Variants in EMC4 observed in about 807,000 individuals in gnomAD.
EMC4 encodes cell proliferation-inducing gene 17 protein.
Under a neutral mutation model 24.2 loss-of-function variants are expected in EMC4, and 9 were observed. The ratio of observed to expected loss-of-function variants is 0.37; its 90% CI spans 0.22 to 0.65. EMC4 has a LOEUF of 0.65. Among genes scored for constraint, EMC4 ranks in the 30% least tolerant of loss-of-function variants. The pLI is 0.59. For missense variants in EMC4, 169 were observed against 234.6 expected (o/e 0.72, Z 1.83); for synonymous variants, 86 against 81.1 (o/e 1.06, Z -0.32).
At chr15:34,225,506 C>T in intron 1 of EMC4, 30 bp from the exon 2 acceptor site, 1 of 1,515,616 alleles carries the variant, frequency 6.6e-7, no homozygotes, top group Non-Finnish European at 9.2e-7. Flanking sequence ...TCGGAGGTTG[C>T]AGCTTTAGTT....
chr15:34,225,271 C>T, intron 1 of EMC4, 71 bp downstream of exon 1: 1 of 1,303,724 alleles, frequency 7.7e-7, no homozygotes, highest in Non-Finnish European at 1.0e-6. Flanking sequence ...GACCTGAGCC[C>T]TCAGGCATAA....
Position 34,229,554 on chromosome 15 carries a change from A to G in EMC4, c.517-199A>G, listed in dbSNP as rs531736350. ...TGCCATGTTGCCCAGGCTGGTCTTG[A>G]ACTCCTGGGCTCAAGCGATCTGCCT... On this transcript the variant is annotated intron_variant, in intron 4 of 4. Transcript: ENST00000267750. 4.3e-5 allele frequency: 23 copies of G among 531,182 alleles called. 1 individual carries two copies. In the South Asian group the frequency reaches 5.2e-4, roughly 12 times the overall value. The allele number at this position is 531,182 out of a possible 1,614,324, so 32.9% of individuals were successfully genotyped here.
intron 1 of EMC4, 88 bp from the exon 2 acceptor site, chr15:34,225,448 A>T: frequency 9.5e-7 from 1 of 1,055,942 alleles, no homozygotes; most frequent in Non-Finnish European, 1.5e-6. Context: ...GCATCTGAAG[A>T]TCTTTATTCC....
intron 3 of EMC4, chr15:34,228,057 C>CCT: frequency 2.0e-6 from 1 of 490,170 alleles, no homozygotes; most frequent in South Asian, 2.4e-5. Flanking sequence ...GTGGCACACG[C>CCT]CTGTAATCCC....
At chr15:34,229,436 G>A (rs1017666966) in intron 4 of EMC4, 11 of 232,710 alleles carry the variant, frequency 4.7e-5, no homozygotes, top group African/African-American at 1.6e-4. Context: ...CTCAACCTCC[G>A]GGCTCAGGCA....
intron 2 of EMC4, 68 bp from the exon 3 acceptor site, chr15:34,227,625 T>G: frequency 6.6e-7 from 1 of 1,520,974 alleles, no homozygotes; most frequent in Non-Finnish European, 9.1e-7. Flanking sequence ...TGATTTAGCA[T>G]CAGTGATATG....
rs1555375451 is a variant in EMC4, at chr15:34,227,679, G to C, written c.202-14G>C. The C allele has an allele frequency of 3.1e-6, 5 of 1,611,174 alleles. No homozygotes were observed. In the Admixed American group the frequency reaches 8.3e-5, roughly 27 times the overall value. Reference sequence around the variant, plus strand: ...GTAGTGATCAGAGGGTTAAAATTGTGTGTTTTGTTTTAGCGCTGCTGGGAC... The same window carrying C: ...GTAGTGATCAGAGGGTTAAAATTGTCTGTTTTGTTTTAGCGCTGCTGGGAC... On this transcript the variant is annotated splice_polypyrimidine_tract_variant and intron_variant, in intron 2 of 4. Coordinates refer to ENST00000267750, the MANE Select transcript of EMC4 (RefSeq NM_016454.4).
chr15:34,225,357 C>A (rs1890621495), intron 1 of EMC4, among the ~76,000 whole-genome samples, 157 bp downstream of exon 1: 2 of 152,246 alleles, frequency 1.3e-5, no homozygotes, highest in African/African-American at 4.8e-5. Context: ...TTTCTCTGCT[C>A]AAACAATGCT....
At chr15:34,228,219 C>T (rs1890701128) in intron 3 of EMC4, 1 of 559,200 alleles carries the variant, frequency 1.8e-6, no homozygotes, top group South Asian at 2.4e-5. Context: ...TTCTTAGGGA[C>T]AGTTTTTGGC....
At position 34,228,582 on chromosome 15, in the gene EMC4, C is replaced by T. The variant is rs776958807; in HGVS notation, c.509C>T (p.Pro170Leu). 6.2e-7 allele frequency: 1 copy of T among 1,611,908 alleles called. No homozygotes were observed. Among genetic ancestry groups the T allele is most frequent in the Non-Finnish European group, 8.5e-7 (1 of 1,179,448 alleles). The change falls in exon 4 of 5, where the codon CCC becomes CTC. Residue 170 changes from proline to leucine, a missense_variant. Transcript: ENST00000267750. ...TCGGATTGGTTAGCCTTCATTGAGC[C>T]CCCTGAGGTAAGGCAAAAGAAAAGC... ...HASDWLAFIE[P>L]PERMEFSGGG...
At chr15:34,227,452 A>G (rs1890674918) in intron 2 of EMC4, 1 of 368,924 alleles carries the variant, frequency 2.7e-6, no homozygotes, top group Admixed American at 3.8e-5. Flanking sequence ...AATCAGGAGA[A>G]AAAAATGACA....
chr15:34,227,694 G>A lies in EMC4; in HGVS notation c.203G>A (p.Arg68His), dbSNP rs761614836. The change falls in exon 3 of 5, where the codon CGC becomes CAC. Residue 68 changes from arginine (R) to histidine (H), a missense_variant and splice_region_variant. Arg to His is a conservative substitution (Grantham distance 29). Coordinates refer to ENST00000267750, the MANE Select transcript of EMC4 (RefSeq NM_016454.4). The part of the protein sequence containing the change: ...QETDRILVEK[R>H]CWDIALGPLK... Reference sequence around the variant, plus strand: ...TTAAAATTGTGTGTTTTGTTTTAGCGCTGCTGGGACATCGCCTTGGGTCCC... The same window carrying A: ...TTAAAATTGTGTGTTTTGTTTTAGCACTGCTGGGACATCGCCTTGGGTCCC... 9.3e-6 allele frequency: 15 copies of A among 1,613,076 alleles called. No homozygotes were observed. Among genetic ancestry groups the A allele is most frequent in the East Asian group, 2.2e-5 (1 of 44,852 alleles).
intron 2 of EMC4, 120 bp from the exon 3 acceptor site, chr15:34,227,573 G>A: frequency 2.8e-6 from 3 of 1,079,240 alleles, no homozygotes; most frequent in Non-Finnish European, 4.1e-6. Flanking sequence ...GAATTGAGGA[G>A]TCAGCTCAGT....
Position 34,225,522 on chromosome 15 carries a change from G to C in EMC4, c.87-14G>C, listed in dbSNP as rs756125522. ...CGGAGGTTGCAGCTTTAGTTTCTTG[G>C]TTTGGTTTTTTAGGGGTCGAAGTGA... On this transcript the variant is annotated splice_polypyrimidine_tract_variant and intron_variant, in intron 1 of 4. Transcript: ENST00000267750. 1.2e-6 allele frequency: 2 copies of C among 1,603,868 alleles called. No individual in the cohort carries two copies. Among genetic ancestry groups the C allele is most frequent in the South Asian group, 2.2e-5 (2 of 90,890 alleles).
At chr15:34,228,656 G>T in intron 4 of EMC4, 67 bp downstream of exon 4, 1 of 1,108,472 alleles carries the variant, frequency 9.0e-7, no homozygotes, top group South Asian at 1.6e-5. Flanking sequence ...CCTACTTGAT[G>T]GTAGGAAATT....
Position 34,225,659 on chromosome 15 carries a change from G to A in EMC4, c.201+9G>A, listed in dbSNP as rs1181249476. The A allele has an allele frequency of 2.5e-6, 4 of 1,605,930 alleles. No individual in the cohort carries two copies. The highest frequency in any genetic ancestry group is 2.2e-5 in the East Asian group (1 of 44,840). On this transcript the variant is annotated intron_variant, in intron 2 of 4. Transcript: ENST00000267750. ...GGATCCTGGTGGAGAAGGTACAGAG[G>A]TATAGATGTTACCGTAGCCCATGGG...
At position 34,225,497 on chromosome 15, in the gene EMC4, C is replaced by T. The variant is rs1890626957; in HGVS notation, c.87-39C>T. The T allele has an allele frequency of 2.8e-6, 4 of 1,429,928 alleles. No homozygotes were observed. In the East Asian group the frequency reaches 6.8e-5, roughly 24 times the overall value. The allele number at this position is 1,429,928 out of a possible 1,614,324, so 88.6% of individuals were successfully genotyped here. On this transcript the variant is annotated intron_variant, in intron 1 of 4. Transcript: ENST00000267750. ...TCAGGAAATGTGGGATAAGAAGTAT[C>T]GGAGGTTGCAGCTTTAGTTTCTTGG...
chr15:34,225,125 A>G lies in EMC4; in HGVS notation c.11A>G (p.Gln4Arg). The G allele has an allele frequency of 6.4e-7, 1 of 1,551,584 alleles. No homozygotes were observed. Among genetic ancestry groups the G allele is most frequent in the Non-Finnish European group, 8.7e-7 (1 of 1,146,920 alleles). MTA[Q>R]GGLVANRGRR... ...GACGCAGCTGTTGCCATGACGGCCC[A>G]GGGGGGCCTGGTGGCTAACCGAGGC... The change falls in exon 1 of 5, where the codon CAG becomes CGG. Residue 4 changes from glutamine to arginine, a missense_variant. Coordinates refer to ENST00000267750, the MANE Select transcript of EMC4 (RefSeq NM_016454.4).
chr15:34,227,985 C>A (rs1240861257), intron 3 of EMC4, 139 bp downstream of exon 3: 3 of 808,042 alleles, frequency 3.7e-6, no homozygotes, highest in Non-Finnish European at 5.7e-6. Context: ...GAGTTCGAGA[C>A]CAGCCTGGCC....
Sources: gnomAD v4.1 joint callset for allele counts (sites outside exome capture counted in the v4.1 genomes callset) on GRCh38, gnomAD v4.1.1 for gene constraint, MANE v1.5 for transcripts, NCBI Gene and HGNC (gene_info 2026-07-23, HGNC 2026-07-21) for gene names.